Variants in AUTS2 observed in about 807,000 individuals in gnomAD.
The protein encoded by AUTS2 is activator of transcription and developmental regulator AUTS2, also known as autism susceptibility gene 2 protein.
In AUTS2, 17 loss-of-function variants were observed where a neutral mutation model predicts 112.4. The observed-to-expected ratio is 0.15, with a 90% CI of 0.10 to 0.23. The LOEUF (loss-of-function observed/expected upper bound fraction) is 0.23. Among genes scored for constraint, AUTS2 ranks in the 10% least tolerant of loss-of-function variants. The probability of loss-of-function intolerance (pLI) is 1.00; values close to 1 mark genes in which losing one functional copy is unlikely to be tolerated. For missense variants in AUTS2, 1,510 were observed against 1,701.6 expected (o/e 0.89, Z 1.98); for synonymous variants, 751 against 702.7 (o/e 1.07, Z -1.09).
intron 1 of AUTS2, among the ~76,000 whole-genome samples, chr7:69,647,214 T>C (rs1795065219): frequency 6.6e-6 from 1 of 152,174 alleles, no homozygotes; most frequent in African/African-American, 2.4e-5. Flanking sequence ...GTTTTAATGA[T>C]TGGAATTTCA....
intron 4 of AUTS2, among the ~76,000 whole-genome samples, chr7:70,323,309 G>A (rs967079376): frequency 1.3e-5 from 2 of 152,188 alleles, no homozygotes; most frequent in Admixed American, 1.3e-4. Flanking sequence ...GAAAGGAGAC[G>A]GATGGTAGAA....
chr7:70,741,421 G>C (rs1363995473), intron 6 of AUTS2, among the ~76,000 whole-genome samples: 1 of 152,140 alleles, frequency 6.6e-6, no homozygotes, highest in African/African-American at 2.4e-5. Context: ...GCCGGGCGCG[G>C]TGGCTTACGC....
chr7:70,668,775 G>A (rs191381396), intron 5 of AUTS2, among the ~76,000 whole-genome samples: 1 of 152,338 alleles, frequency 6.6e-6, no homozygotes, highest in East Asian at 1.9e-4. Context: ...TAAAAGTGGA[G>A]GGGAATTCCG....
chr7:70,461,538 C>T (rs976959038), intron 5 of AUTS2, among the ~76,000 whole-genome samples: 1 of 152,200 alleles, frequency 6.6e-6, no homozygotes, highest in Admixed American at 6.5e-5. Flanking sequence ...GCTGCATTCT[C>T]TCTGAGACAT....
intron 1 of AUTS2, among the ~76,000 whole-genome samples, chr7:69,668,524 G>T (rs972544523): frequency 2.0e-5 from 3 of 152,168 alleles, no homozygotes; most frequent in African/African-American, 7.2e-5. Context: ...ATTTTAGCAC[G>T]TGGTGATCTT....
At chr7:70,241,044 C>T (rs1812584947) in intron 4 of AUTS2, among the ~76,000 whole-genome samples, 1 of 152,192 alleles carries the variant, frequency 6.6e-6, no homozygotes, top group African/African-American at 2.4e-5. Context: ...TCAGTGGTGT[C>T]TTATGAAGCT....
At chr7:70,638,510 C>T (rs749384077) in intron 5 of AUTS2, among the ~76,000 whole-genome samples, 8 of 151,978 alleles carry the variant, frequency 5.3e-5, no homozygotes, top group African/African-American at 1.5e-4. Flanking sequence ...ATTATGCCGT[C>T]GTTGGCATTA....
chr7:70,314,099 C>T (rs1474458509), intron 4 of AUTS2, among the ~76,000 whole-genome samples: 1 of 152,226 alleles, frequency 6.6e-6, no homozygotes, highest in Admixed American at 6.5e-5. Flanking sequence ...GCAGAGCACT[C>T]TCATTAGGAT....
intron 6 of AUTS2, among the ~76,000 whole-genome samples, chr7:70,737,615 T>A (rs1180667260): frequency 6.6e-6 from 1 of 152,222 alleles, no homozygotes; most frequent in East Asian, 1.9e-4. Flanking sequence ...GGTTTCCCCT[T>A]TCCTTAAACT....
chr7:70,439,937 C>T (rs1161274925), intron 5 of AUTS2, among the ~76,000 whole-genome samples: 3 of 152,146 alleles, frequency 2.0e-5, no homozygotes, highest in African/African-American at 4.8e-5. Context: ...AGGCATATAG[C>T]CCAGTGGCCA....
intron 1 of AUTS2, among the ~76,000 whole-genome samples, chr7:69,654,124 G>T (rs1352461391): frequency 6.6e-6 from 1 of 152,190 alleles, no homozygotes; most frequent in Admixed American, 6.5e-5. Flanking sequence ...AGCTATGCTT[G>T]CTTTTTCTTC....
intron 1 of AUTS2, among the ~76,000 whole-genome samples, chr7:69,777,158 C>T (rs561523248): frequency 6.6e-6 from 1 of 152,286 alleles, no homozygotes; most frequent in East Asian, 1.9e-4. Flanking sequence ...CCAGATGACC[C>T]TGGCAGTGTG....
In AUTS2 at chr7:70,715,258, A is replaced by G. The variant is rs1005644998; in HGVS notation, c.742+16638A>G. 3.0e-4 allele frequency among the ~76,000 whole-genome samples: 46 copies of G among 152,356 alleles called. 1 individual carries two copies. Among genetic ancestry groups the G allele is most frequent in the African/African-American group, 9.6e-4 (40 of 41,580 alleles). On this transcript the variant is annotated intron_variant, in intron 6 of 18. Transcript: ENST00000342771. ...ATTTTTCTTACAATAAATCTAACCT[A>G]TGCTTTCAGTGCATTGAGCTTTTCT...
rs927708587 is a variant in AUTS2 at position 70,659,496 on chromosome 7, T to C, written c.691-39073T>C. Among the ~76,000 whole-genome samples the C allele has an allele frequency of 2.6e-5, 4 of 152,176 alleles. No homozygotes were observed. In the South Asian group the frequency reaches 6.2e-4, roughly 24 times the overall value. ...ACGGCTGTGTCACTTCCTGGCCATGTGACCCCGGGCATGTTAACTGAGCTC... is the reference window on the plus strand; with the variant it reads ...ACGGCTGTGTCACTTCCTGGCCATGCGACCCCGGGCATGTTAACTGAGCTC... On this transcript the variant is annotated intron_variant, in intron 5 of 18. Coordinates refer to ENST00000342771, the MANE Select transcript of AUTS2 (RefSeq NM_015570.4).
intron 6 of AUTS2, among the ~76,000 whole-genome samples, chr7:70,706,008 T>C (rs1479855977): frequency 2.6e-5 from 4 of 152,212 alleles, no homozygotes; most frequent in African/African-American, 9.6e-5. Context: ...CCTTGTCCCA[T>C]GTGCAGTTTC....
At chr7:70,233,826 T>G (rs984847079) in intron 4 of AUTS2, among the ~76,000 whole-genome samples, 1 of 152,186 alleles carries the variant, frequency 6.6e-6, no homozygotes, top group Non-Finnish European at 1.5e-5. Flanking sequence ...GCAGAAGGCT[T>G]GAAATAAATC....
intron 1 of AUTS2, among the ~76,000 whole-genome samples, chr7:69,727,788 G>A (rs1219155673): frequency 6.6e-6 from 1 of 151,990 alleles, no homozygotes; most frequent in Non-Finnish European, 1.5e-5. Context: ...TCTTTTCAAG[G>A]TTGTTTTTAC....
chr7:69,903,996 G>C (rs1795063680), intron 2 of AUTS2, among the ~76,000 whole-genome samples: 1 of 152,198 alleles, frequency 6.6e-6, no homozygotes, highest in Non-Finnish European at 1.5e-5. Flanking sequence ...AGTGTCTACT[G>C]CTTTCTAGGA....
At chr7:70,197,318 A>C (rs2129584720) in intron 4 of AUTS2, among the ~76,000 whole-genome samples, 1 of 152,280 alleles carries the variant, frequency 6.6e-6, no homozygotes, top group South Asian at 2.1e-4. Context: ...ACTGGAAAGA[A>C]GTTTACGGAT....
Sources: allele counts gnomAD v4.1 joint callset (sites outside exome capture counted in the v4.1 genomes callset), GRCh38; gene constraint gnomAD v4.1.1; transcripts MANE v1.5; gene names NCBI Gene and HGNC (gene_info 2026-07-23, HGNC 2026-07-21).